The following VWA3A variants were observed in gnomAD, a reference collection of about 807,000 sequenced individuals.
VWA3A encodes von Willebrand factor A domain-containing protein 3A.
A neutral mutation model predicts 160.4 loss-of-function variants in VWA3A; 134 were observed. That is an observed-to-expected ratio of 0.84 (90% confidence interval 0.73 to 0.96). VWA3A has a LOEUF of 0.96. VWA3A is among the 40% of genes least tolerant of loss of function. The probability of loss-of-function intolerance (pLI) is 0.00; values close to 1 mark genes in which losing one functional copy is unlikely to be tolerated. For missense variants in VWA3A, 1,310 were observed against 1,447.9 expected (o/e 0.90, Z 1.55); for synonymous variants, 476 against 543.4 (o/e 0.88, Z 1.72).
intron 9 of VWA3A, chr16:22,116,199 A>G: frequency 5.6e-6 from 2 of 354,044 alleles, no homozygotes; most frequent in South Asian, 4.3e-5. Flanking sequence ...GAAAGAAAAG[A>G]GAAAGGAAAG....
intron 1 of VWA3A, among the ~76,000 whole-genome samples, chr16:22,096,050 T>C (rs189987061): frequency 6.6e-6 from 1 of 152,156 alleles, no homozygotes; most frequent in Non-Finnish European, 1.5e-5. Context: ...TTAAGCAATG[T>C]CTAGAGACAT....
At chr16:22,150,623 T>C in intron 29 of VWA3A, 72 bp from the exon 30 acceptor site, 1 of 1,511,060 alleles carries the variant, frequency 6.6e-7, no homozygotes, top group South Asian at 1.3e-5. Flanking sequence ...AGGCACTACC[T>C]TTAGGCATTT....
At chr16:22,138,837 T>C (rs2046092126) in intron 22 of VWA3A, among the ~76,000 whole-genome samples, 1 of 151,992 alleles carries the variant, frequency 6.6e-6, no homozygotes, top group African/African-American at 2.4e-5. Context: ...GGAGAGTCTC[T>C]CGGGGGCAAA....
At chr16:22,141,174 G>T in intron 23 of VWA3A, 2 of 461,204 alleles carry the variant, frequency 4.3e-6, no homozygotes, top group Non-Finnish European at 8.7e-6. Context: ...TAGAACCTAA[G>T]ACCATGTATT....
At chr16:22,135,315 G>A (rs957301291) in intron 21 of VWA3A, among the ~76,000 whole-genome samples, 1 of 152,126 alleles carries the variant, frequency 6.6e-6, no homozygotes, top group Non-Finnish European at 1.5e-5. Context: ...TCCAGTCTCT[G>A]CCTCTGTCTT....
intron 6 of VWA3A, among the ~76,000 whole-genome samples, chr16:22,105,720 T>A (rs2045473856): frequency 6.6e-6 from 1 of 152,216 alleles, no homozygotes; most frequent in Non-Finnish European, 1.5e-5. Flanking sequence ...GGAATAAATG[T>A]CTAGAACTTC....
In VWA3A at chr16:22,103,493, A is replaced by G; in HGVS notation, c.447A>G (p.Gln149=). Residue 149 remains glutamine, a synonymous_variant, in exon 6 of 34, where the codon CAA becomes CAG. Transcript: ENST00000389398. The part of the protein sequence containing the change: ...SKLSDTIEVY[Q]ERIQWLTENS... ...TTGACAGCACTATTGAAGTCTATCA[A>G]GAGAGAATTCAGTGGCTCACAGAAA... 6.4e-7 allele frequency: 1 copy of G among 1,551,902 alleles called. No homozygotes were observed.
Position 22,156,256 on chromosome 16 carries a change from C to A in VWA3A, c.*239C>A, listed in dbSNP as rs2046439023. 4.1e-6 allele frequency: 1 copy of A among 243,082 alleles called. No individual in the cohort carries two copies. 15.1% of individuals were successfully genotyped at this position (243,082 alleles called of 1,614,324 possible). A position where few individuals can be genotyped will look rare whatever the true frequency, so the allele number is the denominator to read the frequency against. ...CTCTACTCTCCAGCCACTAGATTGT[C>A]CCTCTCTGGGAAGCCCTAAACCAAC... On this transcript the variant is annotated 3_prime_UTR_variant, in exon 34 of 34. Transcript: ENST00000389398.
At chr16:22,131,314 C>G in intron 18 of VWA3A, 35 bp downstream of exon 18, 1 of 1,609,198 alleles carries the variant, frequency 6.2e-7, no homozygotes, top group Non-Finnish European at 8.5e-7. Context: ...GGGGCTGTGT[C>G]TGAGGGAAGG....
rs571704332 is a variant in VWA3A at position 22,152,377 on chromosome 16, G to C, written c.3282-134G>C. ...GTGTCCTCTAATGGTGGTCTCCATG[G>C]GACAAGCCACGGCCCATTGCCAGGC... On this transcript the variant is annotated intron_variant, in intron 30 of 33. Transcript: ENST00000389398. The C allele has an allele frequency of 4.6e-5, 55 of 1,194,886 alleles. No homozygotes were observed. In the Admixed American group the frequency reaches 7.9e-4, roughly 17 times the overall value. The allele number at this position is 1,194,886 out of a possible 1,614,324, so 74.0% of individuals were successfully genotyped here.
intron 9 of VWA3A, among the ~76,000 whole-genome samples, 191 bp from the exon 10 acceptor site, chr16:22,116,568 C>T (rs1047876514): frequency 1.3e-5 from 2 of 152,210 alleles, no homozygotes; most frequent in African/African-American, 4.8e-5. Context: ...AGGCCACCCA[C>T]CCATCTGCAG....
chr16:22,103,674 C>A lies in VWA3A; in HGVS notation c.483+145C>A. 5.6e-6 allele frequency: 5 copies of A among 894,462 alleles called. No homozygotes were observed. In the South Asian group the frequency reaches 8.5e-5, roughly 15 times the overall value. 55.4% of individuals were successfully genotyped at this position (894,462 alleles called of 1,614,324 possible). On this transcript the variant is annotated intron_variant, in intron 6 of 33. Coordinates refer to ENST00000389398, the MANE Select transcript of VWA3A (RefSeq NM_173615.5). ...TTACTAACCTAAGTAAATGAAAACC[C>A]CAGCCACAGCTGGATCCAGGTGCTC...
intron 26 of VWA3A, among the ~76,000 whole-genome samples, chr16:22,144,914 T>C (rs1180330009): frequency 6.6e-6 from 1 of 152,072 alleles, no homozygotes; most frequent in East Asian, 1.9e-4. Flanking sequence ...AGCCTGACTC[T>C]TAAAACATAA....
chr16:22,142,308 G>A (rs2046164857), intron 24 of VWA3A, among the ~76,000 whole-genome samples: 1 of 151,536 alleles, frequency 6.6e-6, no homozygotes. Context: ...TTTAGCTCAG[G>A]CTTATGCTGG....
At position 22,096,963 on chromosome 16, in the gene VWA3A, ATTT is replaced by A. The variant is rs397754746; in HGVS notation, c.101+36_101+38del. 13,222 of 1,061,992 alleles carry A rather than the reference ATTT, an allele frequency of 0.012. 2 individuals carry two copies. Among genetic ancestry groups the A allele is most frequent in the East Asian group, 0.069 (2,372 of 34,186 alleles). The allele number at this position is 1,061,992 out of a possible 1,614,324, so 65.8% of individuals were successfully genotyped here. Reference sequence around the variant, plus strand: ...AACCATTGGTAAGCATAGTTCTCTGATTTTTTTTTTTTTTTTTTTTGAGGCAGA... The same window carrying A: ...AACCATTGGTAAGCATAGTTCTCTGATTTTTTTTTTTTTTTTTGAGGCAGA... On this transcript the variant is annotated intron_variant, in intron 2 of 33. Coordinates refer to ENST00000389398, the MANE Select transcript of VWA3A (RefSeq NM_173615.5).
intron 17 of VWA3A, among the ~76,000 whole-genome samples, chr16:22,129,249 C>T (rs1011401750): frequency 6.6e-6 from 1 of 151,678 alleles, no homozygotes. Context: ...ATTAGCCAGG[C>T]GTGGTGGTGG....
intron 23 of VWA3A, 135 bp downstream of exon 23, chr16:22,140,379 G>A (rs2046124843): frequency 2.6e-6 from 2 of 765,196 alleles, no homozygotes; most frequent in African/African-American, 1.7e-5. Context: ...AGGCTGAGGT[G>A]GAAGGATCAC....
chr16:22,155,793 G>T (rs2046430792), intron 32 of VWA3A, 58 bp from the exon 33 acceptor site: 6 of 1,612,568 alleles, frequency 3.7e-6, no homozygotes, highest in Non-Finnish European at 4.2e-6. Flanking sequence ...GCTTCTCCCA[G>T]CCAGCCCAGA....
At chr16:22,111,314 A>T (rs1019777891) in intron 8 of VWA3A, among the ~76,000 whole-genome samples, 1 of 152,126 alleles carries the variant, frequency 6.6e-6, no homozygotes, top group Non-Finnish European at 1.5e-5. Context: ...ATAATAGCAA[A>T]TGAGTCTCCC....
Sources: gnomAD v4.1 joint callset for allele counts (sites outside exome capture counted in the v4.1 genomes callset) on GRCh38, gnomAD v4.1.1 for gene constraint, MANE v1.5 for transcripts, NCBI Gene and HGNC (gene_info 2026-07-23, HGNC 2026-07-21) for gene names.